CENPP: variants seen among roughly 807,000 people sequenced by gnomAD.
CENPP encodes the protein centromere protein P.
A neutral mutation model predicts 35.6 loss-of-function variants in CENPP; 24 were observed. The ratio of observed to expected loss-of-function variants is 0.67; its 90% CI spans 0.49 to 0.95. The LOEUF is 0.95. CENPP is among the 40% of genes least tolerant of loss of function. The probability of loss-of-function intolerance (pLI) is 0.00; values close to 1 mark genes in which losing one functional copy is unlikely to be tolerated. For synonymous variants in CENPP, 120 were observed against 125.5 expected (o/e 0.96, Z 0.29); for missense variants, 332 against 345.3 (o/e 0.96, Z 0.31).
intron 5 of CENPP, among the ~76,000 whole-genome samples, chr9:92,413,683 G>A (rs915397687): frequency 6.6e-6 from 1 of 151,942 alleles, no homozygotes; most frequent in Non-Finnish European, 1.5e-5. Flanking sequence ...CATCATAGTT[G>A]CACATTGTAC....
intron 5 of CENPP, chr9:92,610,772 A>G (rs1055654382): frequency 5.8e-5 from 9 of 156,214 alleles, no homozygotes; most frequent in African/African-American, 2.2e-4. Flanking sequence ...GCCCATGCCC[A>G]GGACGGTGTG....
intron 5 of CENPP, among the ~76,000 whole-genome samples, chr9:92,452,757 A>G (rs1453672445): frequency 1.3e-5 from 2 of 152,128 alleles, no homozygotes; most frequent in Non-Finnish European, 2.9e-5. Context: ...TAAGCTATTG[A>G]TTATTGCCAC....
Position 92,476,503 on chromosome 9 carries a change from T to G in CENPP, c.564+96644T>G, listed in dbSNP as rs986393820. Among the ~76,000 whole-genome samples the G allele has an allele frequency of 1.3e-5, 2 of 152,322 alleles. No individual in the cohort carries two copies. The highest frequency in any genetic ancestry group is 4.8e-5 in the African/African-American group (2 of 41,570). On this transcript the variant is annotated intron_variant, in intron 5 of 7. Transcript: ENST00000375587. This position sits in a 1 kb window ranked among gnomAD's most constrained non-coding sequence, Gnocchi z 4.1. ...TCATATGCTCCAAAAATCTAAATGG[T>G]GGCATGAACATTTGCCCACTGGGTA...
chr9:92,353,568 A>C (rs1203503145), intron 4 of CENPP, among the ~76,000 whole-genome samples: 1 of 152,206 alleles, frequency 6.6e-6, no homozygotes, highest in Non-Finnish European at 1.5e-5. Context: ...AGTCTGGGTC[A>C]GTCATCCCAG....
At chr9:92,376,932 C>T (rs534678356) in intron 4 of CENPP, among the ~76,000 whole-genome samples, 11 of 152,098 alleles carry the variant, frequency 7.2e-5, no homozygotes, top group African/African-American at 2.4e-4. Context: ...GTAATCCCAG[C>T]TGCTTGGGAG....
intron 5 of CENPP, among the ~76,000 whole-genome samples, chr9:92,591,483 G>A (rs927423494): frequency 1.3e-5 from 2 of 151,672 alleles, no homozygotes; most frequent in African/African-American, 4.8e-5. Flanking sequence ...CTTGTTGGAA[G>A]ATATGCCCTT....
intron 5 of CENPP, among the ~76,000 whole-genome samples, chr9:92,472,871 C>T (rs922192929): frequency 6.6e-6 from 1 of 152,132 alleles, no homozygotes; most frequent in Admixed American, 6.5e-5. Flanking sequence ...GGAGGTTCTG[C>T]AGAAGGGATC....
In CENPP at chr9:92,616,587, G is replaced by GCCAA. The variant is rs1851444692; in HGVS notation, c.*3438_*3439insCCAA. The GCCAA allele has an allele frequency of 6.5e-6, 1 of 154,184 alleles. No homozygotes were observed. Among genetic ancestry groups the GCCAA allele is most frequent in the African/African-American group, 2.4e-5 (1 of 41,434 alleles). 9.6% of individuals were successfully genotyped at this position (154,184 alleles called of 1,614,324 possible). On this transcript the variant is annotated 3_prime_UTR_variant, in exon 8 of 8. Transcript: ENST00000375587. ...CTGCTGAGAAACGCAAGCTCCTTTG[G>GCCAA]TTCACATTTGAAGAGATCTGGTTTC...
intron 5 of CENPP, among the ~76,000 whole-genome samples, chr9:92,522,078 G>T (rs1414377691): frequency 1.3e-5 from 2 of 151,926 alleles, no homozygotes; most frequent in African/African-American, 4.8e-5. Context: ...GTTTTGTTTT[G>T]TTTTGTTTTG....
chr9:92,398,383 C>T (rs922537191), intron 5 of CENPP, among the ~76,000 whole-genome samples: 1 of 152,154 alleles, frequency 6.6e-6, no homozygotes, highest in African/African-American at 2.4e-5. Flanking sequence ...ATTAAATCTA[C>T]ATTAAAAAGT....
chr9:92,490,844 G>A (rs1167041078), intron 5 of CENPP, among the ~76,000 whole-genome samples: 1 of 152,112 alleles, frequency 6.6e-6, no homozygotes, highest in East Asian at 1.9e-4. Context: ...TTTTACTTTT[G>A]TGACCCTGTA....
chr9:92,346,278 T>A (rs1320211159), intron 4 of CENPP, among the ~76,000 whole-genome samples: 1 of 152,170 alleles, frequency 6.6e-6, no homozygotes, highest in African/African-American at 2.4e-5. Context: ...CCTCCTGCCT[T>A]AGCCTCCCAA....
chr9:92,451,855 A>T (rs1844719970), intron 5 of CENPP, among the ~76,000 whole-genome samples: 1 of 151,762 alleles, frequency 6.6e-6, no homozygotes, highest in South Asian at 2.1e-4. Context: ...AATCTCTTTG[A>T]AGCAATTGTG....
intron 5 of CENPP, among the ~76,000 whole-genome samples, chr9:92,505,272 C>T (rs1289101413): frequency 6.6e-6 from 1 of 152,118 alleles, no homozygotes; most frequent in East Asian, 1.9e-4. Flanking sequence ...TTTAAATTCT[C>T]AATTCATTTC....
intron 5 of CENPP, among the ~76,000 whole-genome samples, chr9:92,591,570 G>C (rs1443798954): frequency 2.7e-5 from 4 of 150,802 alleles, no homozygotes; most frequent in South Asian, 2.1e-4. Context: ...ATTAACAAAG[G>C]CTTGCAGATT....
At chr9:92,359,698 C>T (rs1841690110) in intron 4 of CENPP, among the ~76,000 whole-genome samples, 1 of 152,054 alleles carries the variant, frequency 6.6e-6, no homozygotes, top group Non-Finnish European at 1.5e-5. Flanking sequence ...GGATGTGTAA[C>T]TACAATGGCT....
intron 4 of CENPP, among the ~76,000 whole-genome samples, chr9:92,370,130 A>G (rs1336491759): frequency 6.6e-6 from 1 of 152,166 alleles, no homozygotes; most frequent in Non-Finnish European, 1.5e-5. Flanking sequence ...TGATTTGTAT[A>G]TGTTGAATCA....
intron 5 of CENPP, among the ~76,000 whole-genome samples, chr9:92,423,159 A>G (rs753925801): frequency 1.3e-5 from 2 of 152,084 alleles, no homozygotes; most frequent in African/African-American, 2.4e-5. Context: ...TCCTTTTTCT[A>G]TTGAATATTT....
intron 5 of CENPP, among the ~76,000 whole-genome samples, chr9:92,595,719 C>T (rs1850764811): frequency 6.6e-6 from 1 of 152,006 alleles, no homozygotes; most frequent in South Asian, 2.1e-4. Flanking sequence ...GCGTGCACCA[C>T]CATGCCTGGG....
Sources: allele counts gnomAD v4.1 joint callset (sites outside exome capture counted in the v4.1 genomes callset), GRCh38; gene constraint gnomAD v4.1.1; non-coding constraint Gnocchi (gnomAD v3.1); transcripts MANE v1.5; gene names NCBI Gene and HGNC (gene_info 2026-07-23, HGNC 2026-07-21).